SBK1: variants seen among roughly 807,000 people sequenced by gnomAD.
SBK1 encodes the protein serine/threonine-protein kinase SBK1.
In SBK1, 11 loss-of-function variants were observed where a neutral mutation model predicts 24.4. That is an observed-to-expected ratio of 0.45 (90% confidence interval 0.28 to 0.75). The LOEUF is 0.75. Among genes scored for constraint, SBK1 ranks in the 30% least tolerant of loss-of-function variants. The probability of loss-of-function intolerance (pLI) is 0.12; values close to 1 mark genes in which losing one functional copy is unlikely to be tolerated. For missense variants in SBK1, 467 were observed against 620.5 expected (o/e 0.75, Z 2.63); for synonymous variants, 308 against 284.4 (o/e 1.08, Z -0.83).
rs2044841294 is a variant in SBK1 at position 28,321,071 on chromosome 16, C to T, written c.*150C>T. On this transcript the variant is annotated 3_prime_UTR_variant, in exon 4 of 4. Coordinates refer to ENST00000341901, the MANE Select transcript of SBK1 (RefSeq NM_001024401.3). ...ACGCGGCCCGGCACCTGGTCCGTCC[C>T]CGGCGGGCTGGTGAGGGGGCCACCA... The T allele has an allele frequency of 1.4e-6, 1 of 738,736 alleles. No individual in the cohort carries two copies. The highest frequency in any genetic ancestry group is 4.5e-5 in the East Asian group (1 of 22,142). The allele number at this position is 738,736 out of a possible 1,614,324, so 45.8% of individuals were successfully genotyped here.
At chr16:28,278,533 T>C (rs1048007468) in intron 1 of SBK1, among the ~76,000 whole-genome samples, 5 of 152,134 alleles carry the variant, frequency 3.3e-5, no homozygotes, top group Admixed American at 2.6e-4. Flanking sequence ...TTTATTTTAT[T>C]CTATTCTATT....
At chr16:28,288,120 G>A (rs1470713845), upstream of SBK1, among the ~76,000 whole-genome samples, 1 of 152,132 alleles carries the variant, frequency 6.6e-6, no homozygotes, top group Non-Finnish European at 1.5e-5. Context: ...AGAGACAGAA[G>A]GAAGGATGAT....
chr16:28,260,441 C>A (rs1183902023), intron 1 of SBK1, among the ~76,000 whole-genome samples: 1 of 152,232 alleles, frequency 6.6e-6, no homozygotes, highest in Non-Finnish European at 1.5e-5. Context: ...GTGCCTCCAT[C>A]ACTGTCTGAG....
intron 1 of SBK1, among the ~76,000 whole-genome samples, chr16:28,306,624 C>G (rs888367030): frequency 6.6e-6 from 1 of 152,128 alleles, no homozygotes; most frequent in African/African-American, 2.4e-5. Context: ...AAGGAGGGCC[C>G]TGGCAGTAGG....
chr16:28,316,971 G>C (rs1401002393), intron 1 of SBK1, among the ~76,000 whole-genome samples: 3 of 152,206 alleles, frequency 2.0e-5, no homozygotes, highest in Non-Finnish European at 4.4e-5. Context: ...CTTGAATCCA[G>C]GATTTCGAGA....
At chr16:28,316,649 G>A (rs994906266) in intron 1 of SBK1, among the ~76,000 whole-genome samples, 1 of 152,028 alleles carries the variant, frequency 6.6e-6, no homozygotes, top group Non-Finnish European at 1.5e-5. Flanking sequence ...AAACTACCAT[G>A]GCACACGTTT....
At chr16:28,270,282 G>A (rs1462800955) in intron 1 of SBK1, among the ~76,000 whole-genome samples, 2 of 151,894 alleles carry the variant, frequency 1.3e-5, no homozygotes, top group East Asian at 1.9e-4. Flanking sequence ...GGATGGTCTC[G>A]ATCTCTTGAT....
At chr16:28,260,264 GGGAGTTCAAGCCCTAGA>G (rs1399825522) in intron 1 of SBK1, among the ~76,000 whole-genome samples, 2 of 152,114 alleles carry the variant, frequency 1.3e-5, no homozygotes, top group Non-Finnish European at 2.9e-5. Context: ...GGGGCCCAGT[GGGAGTTCAAGCCCTAGA>G]GATCATTGTT....
chr16:28,302,600 C>T (rs1427920411), intron 1 of SBK1, among the ~76,000 whole-genome samples: 1 of 152,188 alleles, frequency 6.6e-6, no homozygotes, highest in African/African-American at 2.4e-5. Context: ...CCACCCCTCC[C>T]TGGCACTTTC....
chr16:28,298,553 A>AAT (rs1343001543), intron 1 of SBK1, among the ~76,000 whole-genome samples: 1 of 152,202 alleles, frequency 6.6e-6, no homozygotes, highest in African/African-American at 2.4e-5. Context: ...GAATGGAGAC[A>AAT]ATAATAGCTG....
At chr16:28,295,849 C>T (rs955146454) in intron 1 of SBK1, among the ~76,000 whole-genome samples, 1 of 151,866 alleles carries the variant, frequency 6.6e-6, no homozygotes, top group Non-Finnish European at 1.5e-5. Flanking sequence ...CACCCCCAGG[C>T]AGCCGTTCGC....
At chr16:28,305,819 G>GCT (rs2044712793) in intron 1 of SBK1, among the ~76,000 whole-genome samples, 2 of 152,198 alleles carry the variant, frequency 1.3e-5, no homozygotes, top group Non-Finnish European at 2.9e-5. Context: ...GGGATTACAG[G>GCT]CATGAGCTAC....
At chr16:28,297,717 A>G (rs1340088898) in intron 1 of SBK1, among the ~76,000 whole-genome samples, 3 of 152,214 alleles carry the variant, frequency 2.0e-5, no homozygotes, top group African/African-American at 7.2e-5. Context: ...CATATCAAAA[A>G]TGCTCACTAA....
chr16:28,302,466 T>A (rs1258983686), intron 1 of SBK1, among the ~76,000 whole-genome samples: 1 of 152,142 alleles, frequency 6.6e-6, no homozygotes, highest in Non-Finnish European at 1.5e-5. Flanking sequence ...GGGCAGGGTG[T>A]GAAGGGGGCT....
chr16:28,283,372 G>A (rs905850859), intron 1 of SBK1, among the ~76,000 whole-genome samples: 2 of 152,100 alleles, frequency 1.3e-5, no homozygotes, highest in African/African-American at 4.8e-5. Context: ...TGGATCAAGG[G>A]GATCAAACGA....
At chr16:28,289,748 T>C (rs1468877630), upstream of SBK1, among the ~76,000 whole-genome samples, 1 of 140,972 alleles carries the variant, frequency 7.1e-6, no homozygotes, top group Non-Finnish European at 1.5e-5. Flanking sequence ...GCCTGGGCAA[T>C]AAGAGTGAAA....
Position 28,320,161 on chromosome 16 carries a change from A to G in SBK1, c.515A>G (p.His172Arg). ...LDFMHGRQLV[H>R]RDIKPENVLL... ...TTCATGCACGGGCGGCAGCTGGTGC[A>G]CCGCGACATCAAGCCCGAGAACGTG... The change falls in exon 4 of 4, where the codon CAC (histidine) becomes CGC (arginine). Residue 172 changes from histidine (H) to arginine (R), a missense_variant. His to Arg is a conservative substitution (Grantham distance 29). Transcript: ENST00000341901. The surrounding 1 kb of genome is among the most constrained non-coding windows in gnomAD (Gnocchi z 8.5). 1 of 1,585,188 alleles carries G rather than the reference A, an allele frequency of 6.3e-7. No individual in the cohort carries two copies. The highest frequency in any genetic ancestry group is 8.5e-7 in the Non-Finnish European group (1 of 1,171,360).
intron 1 of SBK1, among the ~76,000 whole-genome samples, chr16:28,262,976 T>G (rs1227555879): frequency 1.3e-5 from 2 of 152,210 alleles, no homozygotes; most frequent in Non-Finnish European, 2.9e-5. Flanking sequence ...CGGCCACTGC[T>G]GGATCTTCTG....
In SBK1 at chr16:28,320,888, G is replaced by T; in HGVS notation, c.1242G>T (p.Val414=). ...DGRADKSKGQ[V]VLATAIEICV is the part of the protein sequence containing the mutation. ...GCGCGGACAAGAGCAAAGGGCAGGT[G>T]GTGCTGGCCACGGCCATCGAGATCT... Residue 414 remains valine, a synonymous_variant, in exon 4 of 4, where the codon GTG becomes GTT. Transcript: ENST00000341901. The surrounding 1 kb of genome is among the most constrained non-coding windows in gnomAD (Gnocchi z 8.5). The T allele has an allele frequency of 6.7e-7, 1 of 1,503,550 alleles. No homozygotes were observed. The highest frequency in any genetic ancestry group is 8.8e-7 in the Non-Finnish European group (1 of 1,131,290). 93.1% of individuals were successfully genotyped at this position (1,503,550 alleles called of 1,614,324 possible).
Sources: allele counts gnomAD v4.1 joint callset (sites outside exome capture counted in the v4.1 genomes callset), GRCh38; gene constraint gnomAD v4.1.1; non-coding constraint Gnocchi (gnomAD v3.1); transcripts MANE v1.5; gene names NCBI Gene and HGNC (gene_info 2026-07-23, HGNC 2026-07-21).